Variants in FECH observed in about 807,000 individuals in gnomAD.
FECH encodes ferrochelatase, mitochondrial.
In FECH, 40 loss-of-function variants were observed where a neutral mutation model predicts 56.9. The observed-to-expected ratio is 0.70, with a 90% CI of 0.55 to 0.92. The LOEUF (loss-of-function observed/expected upper bound fraction) is 0.92. FECH is among the 40% of genes least tolerant of loss of function. The pLI is 0.00. For missense variants in FECH, 431 were observed against 529.1 expected (o/e 0.81, Z 1.82); for synonymous variants, 175 against 198.6 (o/e 0.88, Z 1.00).
At position 57,551,379 on chromosome 18, in the gene FECH, A is replaced by C; in HGVS notation, c.1078-5T>G. ...TCTGATGTTTTCAACTCCACACTGA[A>C]TCAAATGAGAAAAGGGAGGAAAAAC... On this transcript the variant is annotated splice_region_variant and splice_polypyrimidine_tract_variant and intron_variant, in intron 9 of 10. Transcript: ENST00000262093. 1.9e-6 allele frequency: 3 copies of C among 1,611,232 alleles called. No individual in the cohort carries two copies. The highest frequency in any genetic ancestry group is 1.7e-6 in the Non-Finnish European group (2 of 1,177,564).
chr18:57,583,920 G>A (rs1027390080), intron 1 of FECH, among the ~76,000 whole-genome samples: 6 of 152,172 alleles, frequency 3.9e-5, no homozygotes, highest in Admixed American at 1.3e-4. Context: ...AGTGGCTCAT[G>A]CCTGTAATCC....
At chr18:57,561,881 A>C (rs2050948729) in intron 6 of FECH, among the ~76,000 whole-genome samples, 1 of 152,132 alleles carries the variant, frequency 6.6e-6, no homozygotes, top group Admixed American at 6.5e-5. Flanking sequence ...GCACACAGAG[A>C]CCACAACTAC....
intron 8 of FECH, 115 bp from the exon 9 acceptor site, chr18:57,554,539 A>T: frequency 9.2e-7 from 1 of 1,084,990 alleles, no homozygotes; most frequent in Non-Finnish European, 1.4e-6. Flanking sequence ...GCCACTCTTT[A>T]CACCTGCTTG....
intron 10 of FECH, 131 bp from the exon 11 acceptor site, chr18:57,550,977 G>C (rs2050790181): frequency 9.0e-7 from 1 of 1,110,510 alleles, no homozygotes; most frequent in African/African-American, 1.5e-5. Context: ...TGAGCCCTTT[G>C]AACCAAATTC....
At chr18:57,556,630 G>A (rs1384037909) in intron 7 of FECH, among the ~76,000 whole-genome samples, 1 of 152,128 alleles carries the variant, frequency 6.6e-6, no homozygotes, top group Non-Finnish European at 1.5e-5. Flanking sequence ...TCAACGTGTG[G>A]TGGGGCGTGG....
rs1222377626 is a variant in FECH at position 57,545,406 on chromosome 18, T to TG, written c.*5305dup. On this transcript the variant is annotated 3_prime_UTR_variant, in exon 11 of 11. Coordinates refer to ENST00000262093, the MANE Select transcript of FECH (RefSeq NM_000140.5). Reference sequence around the variant, plus strand: ...GTATGTTGTAAGAAACTGATTATCATGGGGTGCATTTTTCACTTCCTTTTC... The same window carrying TG: ...GTATGTTGTAAGAAACTGATTATCATGGGGGTGCATTTTTCACTTCCTTTTC... Among the ~76,000 whole-genome samples the TG allele has an allele frequency of 6.6e-6, 1 of 152,208 alleles. No homozygotes were observed. The highest frequency in any genetic ancestry group is 2.4e-5 in the African/African-American group (1 of 41,458).
chr18:57,580,830 C>A (rs1465031561), intron 1 of FECH, among the ~76,000 whole-genome samples: 1 of 151,892 alleles, frequency 6.6e-6, no homozygotes, highest in Non-Finnish European at 1.5e-5. Flanking sequence ...AGGCTCCCAG[C>A]GCCCCAGGAT....
intron 4 of FECH, among the ~76,000 whole-genome samples, chr18:57,569,936 C>G (rs976193357): frequency 6.6e-6 from 1 of 151,740 alleles, no homozygotes; most frequent in Non-Finnish European, 1.5e-5. Context: ...CTGGCTCAAG[C>G]GATCCTTCCA....
At chr18:57,583,402 G>A (rs1346451380) in intron 1 of FECH, among the ~76,000 whole-genome samples, 1 of 152,236 alleles carries the variant, frequency 6.6e-6, no homozygotes, top group Non-Finnish European at 1.5e-5. Flanking sequence ...CCAAGAGGCT[G>A]TATGGCTGGG....
chr18:57,570,213 T>C (rs946484524), intron 4 of FECH, among the ~76,000 whole-genome samples: 3 of 152,190 alleles, frequency 2.0e-5, no homozygotes, highest in African/African-American at 4.8e-5. Flanking sequence ...CCTCTGATCA[T>C]GATAAACTGT....
At chr18:57,571,633 T>G in intron 3 of FECH, 93 bp from the exon 4 acceptor site, 2 of 1,582,324 alleles carry the variant, frequency 1.3e-6, no homozygotes, top group Non-Finnish European at 8.6e-7. Context: ...AAAAGCAAAA[T>G]TTTAGAGAGC....
intron 9 of FECH, among the ~76,000 whole-genome samples, 169 bp downstream of exon 9, chr18:57,554,091 A>C (rs2050834847): frequency 6.6e-6 from 1 of 152,194 alleles, no homozygotes; most frequent in Non-Finnish European, 1.5e-5. Context: ...GAATTAACTC[A>C]ATGTGTTGAG....
At chr18:57,570,027 GTT>G (rs2051075355) in intron 4 of FECH, among the ~76,000 whole-genome samples, 4 of 95,094 alleles carry the variant, frequency 4.2e-5, no homozygotes, top group Middle Eastern at 5.4e-3. Context: ...TGTTGTTGTT[GTT>G]GTCGTGTGTG....
chr18:57,556,123 C>T (rs2050864337), intron 7 of FECH, among the ~76,000 whole-genome samples: 1 of 152,050 alleles, frequency 6.6e-6, no homozygotes, highest in African/African-American at 2.4e-5. Flanking sequence ...AGCAAGACTC[C>T]ATCTCGAAAA....
intron 2 of FECH, among the ~76,000 whole-genome samples, chr18:57,579,181 G>A (rs1365335589): frequency 1.3e-5 from 2 of 150,768 alleles, no homozygotes; most frequent in Non-Finnish European, 3.0e-5. Context: ...CCGGGAGGTG[G>A]AGGCTGCAGT....
At position 57,586,660 on chromosome 18, in the gene FECH, G is replaced by C. The variant is rs1283966630; in HGVS notation, c.-40C>G. 1 of 1,484,592 alleles carries C rather than the reference G, an allele frequency of 6.7e-7. No individual in the cohort carries two copies. The highest frequency in any genetic ancestry group is 2.2e-5 in the Admixed American group (1 of 44,886). 92.0% of individuals were successfully genotyped at this position (1,484,592 alleles called of 1,614,324 possible). A position where few individuals can be genotyped will look rare whatever the true frequency, so the allele number is the denominator to read the frequency against. Reference sequence around the variant, plus strand: ...CGGCCCGAGTCCGGGCTCCTCCCGCGGCGGCGCGCCCAGGTGTCCGCCCAG... The same window carrying C: ...CGGCCCGAGTCCGGGCTCCTCCCGCCGCGGCGCGCCCAGGTGTCCGCCCAG... On this transcript the variant is annotated 5_prime_UTR_variant, in exon 1 of 11. Coordinates refer to ENST00000262093, the MANE Select transcript of FECH (RefSeq NM_000140.5).
In FECH at chr18:57,571,513, G is replaced by T. The variant is rs765825722; in HGVS notation, c.342C>A (p.Arg114=). 6.2e-7 allele frequency: 1 copy of T among 1,613,914 alleles called. No individual in the cohort carries two copies. The highest frequency in any genetic ancestry group is 1.1e-5 in the South Asian group (1 of 91,054). Residue 114 remains arginine, a synonymous_variant, in exon 4 of 11, where the codon CGC becomes CGA. Transcript: ENST00000262093. The part of the protein sequence containing the change: ...QNKLAPFIAK[R]RTPKIQEQYR... The stretch of plus-strand genomic sequence containing the variant: ...ACTGCTCTTGAATCTTGGGGGTTCG[G>T]CGTTTGGCGATGAATGGTGCCAGCT...
At chr18:57,584,258 GA>G (rs1200089950) in intron 1 of FECH, among the ~76,000 whole-genome samples, 1 of 148,480 alleles carries the variant, frequency 6.7e-6, no homozygotes, top group East Asian at 2.0e-4. Flanking sequence ...TTGGAAGACT[GA>G]GGCAGGAGGC....
At chr18:57,577,782 TG>T (rs1267656911) in intron 2 of FECH, among the ~76,000 whole-genome samples, 5 of 152,218 alleles carry the variant, frequency 3.3e-5, no homozygotes, top group Non-Finnish European at 7.3e-5. Context: ...TTGGCCTGGC[TG>T]GTCGCTCACA....
Sources: gnomAD v4.1 joint callset for allele counts (sites outside exome capture counted in the v4.1 genomes callset) on GRCh38, gnomAD v4.1.1 for gene constraint, MANE v1.5 for transcripts, NCBI Gene and HGNC (gene_info 2026-07-23, HGNC 2026-07-21) for gene names.